ZNF431: variants seen among roughly 807,000 people sequenced by gnomAD.
ZNF431 encodes the protein zinc finger protein 431.
Under a neutral mutation model 57.0 loss-of-function variants are expected in ZNF431, and 34 were observed. That is an observed-to-expected ratio of 0.60 (90% CI 0.45 to 0.79). The LOEUF (loss-of-function observed/expected upper bound fraction) is 0.79, where lower values mean the gene tolerates loss of function less well. ZNF431 is among the 30% of genes least tolerant of loss of function. The pLI, the probability that ZNF431 is intolerant of heterozygous loss-of-function variation, is 0.00. For missense variants in ZNF431, 607 were observed against 667.1 expected (o/e 0.91, Z 0.99); for synonymous variants, 207 against 220.3 (o/e 0.94, Z 0.54).
intron 2 of ZNF431, among the ~76,000 whole-genome samples, chr19:21,159,997 T>C (rs1350612479): frequency 6.6e-6 from 1 of 151,766 alleles, no homozygotes; most frequent in Non-Finnish European, 1.5e-5. Context: ...TTTTTTTTTT[T>C]TTAGGTAGAC....
At chr19:21,162,237 G>A (rs183955900) in intron 2 of ZNF431, among the ~76,000 whole-genome samples, 2 of 151,770 alleles carry the variant, frequency 1.3e-5, no homozygotes, top group Non-Finnish European at 2.9e-5. Flanking sequence ...GCAGTGGCAT[G>A]ATCTTGGCAC....
In ZNF431 at chr19:21,195,747, C is replaced by T. The variant is rs1399239236; in HGVS notation, c.*11713C>T. The T allele has an allele frequency of 3.3e-5, 5 of 152,008 alleles. No individual in the cohort carries two copies. The highest frequency in any genetic ancestry group is 4.4e-5 in the Non-Finnish European group (3 of 68,014). The allele number at this position is 152,008 out of a possible 1,614,324, so 9.4% of individuals were successfully genotyped here. On this transcript the variant is annotated 3_prime_UTR_variant, in exon 5 of 5. Transcript: ENST00000311048. ...TGTGGCAGCTCATGGTATTATTGAC[C>T]ATATGTTCTAGTGTCTTCTTGCAGA...
Position 21,190,027 on chromosome 19 carries a change from G to A in ZNF431, c.*5993G>A. On this transcript the variant is annotated 3_prime_UTR_variant, in exon 5 of 5. Coordinates refer to ENST00000311048, the MANE Select transcript of ZNF431 (RefSeq NM_133473.4). Reference sequence around the variant, plus strand: ...ACAAAAACAAAAAACACCTCAGCTGGGTGTGGTGGTGCAGGCCTGTAATCT... The same window carrying A: ...ACAAAAACAAAAAACACCTCAGCTGAGTGTGGTGGTGCAGGCCTGTAATCT... 1 of 384,446 alleles carries A rather than the reference G, an allele frequency of 2.6e-6. No homozygotes were observed. The highest frequency in any genetic ancestry group is 4.6e-6 in the Non-Finnish European group (1 of 217,502). The allele number at this position is 384,446 out of a possible 1,614,324, so 23.8% of individuals were successfully genotyped here.
chr19:21,148,811 A>G (rs1970184148), intron 2 of ZNF431, among the ~76,000 whole-genome samples: 1 of 152,202 alleles, frequency 6.6e-6, no homozygotes, highest in Non-Finnish European at 1.5e-5. Flanking sequence ...TAGGACACAG[A>G]CACAAGTGTA....
rs1273658393 is a variant in ZNF431, at chr19:21,194,620, C to G, written c.*10586C>G. On this transcript the variant is annotated 3_prime_UTR_variant, in exon 5 of 5. Transcript: ENST00000311048. ...AGTAGCTGGGATTACAGGTGCCCAC[C>G]AGCACACCTGGCTAATTTTTATGTT... is the stretch of plus-strand genomic sequence containing the variant. 1 of 152,066 alleles carries G rather than the reference C, an allele frequency of 6.6e-6. No individual in the cohort carries two copies. Among genetic ancestry groups the G allele is most frequent in the East Asian group, 1.9e-4 (1 of 5,170 alleles). The allele number at this position is 152,066 out of a possible 1,614,324, so 9.4% of individuals were successfully genotyped here. A position where few individuals can be genotyped will look rare whatever the true frequency, so the allele number is the denominator to read the frequency against.
chr19:21,142,336 C>A (rs763326816), intron 1 of ZNF431, 150 bp downstream of exon 1: 76 of 1,097,254 alleles, frequency 6.9e-5, no homozygotes, highest in Non-Finnish European at 9.8e-5. Context: ...CAGTCCCCTC[C>A]AGCCATAAGA....
At chr19:21,179,824 T>C (rs1030561592) in intron 4 of ZNF431, among the ~76,000 whole-genome samples, 3 of 152,138 alleles carry the variant, frequency 2.0e-5, no homozygotes, top group African/African-American at 7.2e-5. Context: ...CCTCCCAAAG[T>C]GCTGGGATTA....
rs2145021376 is a variant in ZNF431, at chr19:21,174,160, T to C, written c.319+6494T>C. Among the ~76,000 whole-genome samples, 2 of 152,262 alleles carry C rather than the reference T, an allele frequency of 1.3e-5. 1 individual carries two copies. Among genetic ancestry groups the C allele is most frequent in the South Asian group, 4.1e-4 (2 of 4,830 alleles). ...AGACCCTCACCGGAAGCAGATGCTG[T>C]TACATCCTTCTTGTACAGTCTGCTG... On this transcript the variant is annotated intron_variant, in intron 4 of 4. Coordinates refer to ENST00000311048, the MANE Select transcript of ZNF431 (RefSeq NM_133473.4).
At chr19:21,150,294 T>C in intron 2 of ZNF431, 3 of 463,878 alleles carry the variant, frequency 6.5e-6, no homozygotes, top group East Asian at 5.1e-5. Context: ...GTGAGGTCCC[T>C]TTTGGGCTGG....
At position 21,183,922 on chromosome 19, in the gene ZNF431, A is replaced by C. The variant is rs368492406; in HGVS notation, c.1619A>C (p.Tyr540Ser). Reference sequence around the variant, plus strand: ...AAAATTCATACTAGACAGAAACCCTACAACTGTGAAGAATGTGACAATACA... The same window carrying C: ...AAAATTCATACTAGACAGAAACCCTCCAACTGTGAAGAATGTGACAATACA... ...HRKIHTRQKP[Y>S]NCEECDNTFN... is the part of the protein sequence containing the mutation. Residue 540 changes from tyrosine (Y) to serine (S), a missense_variant, in exon 5 of 5, where the codon TAC (tyrosine) becomes TCC (serine). Physicochemically the swap from Tyr to Ser is moderately radical, Grantham distance 144. Transcript: ENST00000311048. 1 of 1,613,630 alleles carries C rather than the reference A, an allele frequency of 6.2e-7. No homozygotes were observed. Among genetic ancestry groups the C allele is most frequent in the African/African-American group, 1.3e-5 (1 of 74,916 alleles).
At chr19:21,159,863 G>GAACAAAA in intron 2 of ZNF431, among the ~76,000 whole-genome samples, 1 of 152,144 alleles carries the variant, frequency 6.6e-6, no homozygotes, top group Admixed American at 6.5e-5. Flanking sequence ...GCCTATTCAG[G>GAACAAAA]GATTCTGTTT....
At position 21,143,625 on chromosome 19, in the gene ZNF431, T is replaced by G. The variant is rs764294848; in HGVS notation, c.78T>G (p.Val26=). 1.2e-6 allele frequency: 2 copies of G among 1,613,774 alleles called. No homozygotes were observed. Among genetic ancestry groups the G allele is most frequent in the East Asian group, 4.5e-5 (2 of 44,876 alleles). Residue 26 remains valine (V), a synonymous_variant, in exon 2 of 5, where the codon GTT becomes GTG. Transcript: ENST00000311048. ...GCPGAERNLL[V]YSYFEKETLT... ...CTGGGGCTGAGAGGAATCTTCTAGT[T>G]TACTCTTATTTTGAAAAGGTAACCT...
chr19:21,169,161 C>A (rs914523698), intron 4 of ZNF431, among the ~76,000 whole-genome samples: 1 of 152,044 alleles, frequency 6.6e-6, no homozygotes, highest in Non-Finnish European at 1.5e-5. Context: ...GATTTGCCCC[C>A]CTCAGCCTCC....
chr19:21,143,627 ACT>A lies in ZNF431; in HGVS notation c.83_84del (p.Ser28LeufsTer3), dbSNP rs780518226. Reference sequence around the variant, plus strand: ...GGGGCTGAGAGGAATCTTCTAGTTTACTCTTATTTTGAAAAGGTAACCTCTTG... The same window carrying A: ...GGGGCTGAGAGGAATCTTCTAGTTTACTTATTTTGAAAAGGTAACCTCTTG... On this transcript the variant is annotated frameshift_variant, in exon 2 of 5. Transcript: ENST00000311048. LOFTEE classifies it high-confidence loss of function. The A allele has an allele frequency of 6.2e-7, 1 of 1,613,186 alleles. No individual in the cohort carries two copies. The highest frequency in any genetic ancestry group is 1.1e-5 in the South Asian group (1 of 91,054).
intron 3 of ZNF431, among the ~76,000 whole-genome samples, chr19:21,167,119 A>G (rs1163484828): frequency 6.6e-6 from 1 of 151,646 alleles, no homozygotes; most frequent in African/African-American, 2.4e-5. Context: ...CACCCTTCCA[A>G]AGTGCTGGGA....
intron 2 of ZNF431, among the ~76,000 whole-genome samples, chr19:21,164,945 TA>T (rs1446689662): frequency 1.3e-5 from 2 of 151,770 alleles, no homozygotes; most frequent in African/African-American, 4.8e-5. Context: ...ACCCCGTCTC[TA>T]CTAAAAATAC....
intron 4 of ZNF431, among the ~76,000 whole-genome samples, chr19:21,168,034 G>A (rs1269748937): frequency 1.3e-5 from 2 of 152,010 alleles, no homozygotes; most frequent in African/African-American, 4.8e-5. Context: ...TTATTTTTTA[G>A]TTCTCTTTTT....
At position 21,162,197 on chromosome 19, in the gene ZNF431, G is replaced by A. The variant is rs114218032; in HGVS notation, c.97-4138G>A. Among the ~76,000 whole-genome samples the A allele has an allele frequency of 9.9e-4, 149 of 150,270 alleles. 1 individual carries two copies. The highest frequency in any genetic ancestry group is 3.5e-3 in the African/African-American group (141 of 40,768). ...GTGTGTGTGTGTGTTTTCTTGAAATGGAGTCTAGCTCTGTAGCTCAGGCTG... is the reference window on the plus strand; with the variant it reads ...GTGTGTGTGTGTGTTTTCTTGAAATAGAGTCTAGCTCTGTAGCTCAGGCTG... On this transcript the variant is annotated intron_variant, in intron 2 of 4. Transcript: ENST00000311048.
intron 4 of ZNF431, among the ~76,000 whole-genome samples, chr19:21,180,623 A>C (rs572598266): frequency 1.1e-3 from 169 of 152,300 alleles, no homozygotes; most frequent in Middle Eastern, 0.01. Context: ...AAAACCTCTA[A>C]AAGATACAAC....
Sources: gnomAD v4.1 joint callset for allele counts (sites outside exome capture counted in the v4.1 genomes callset) on GRCh38, gnomAD v4.1.1 for gene constraint, MANE v1.5 for transcripts, NCBI Gene and HGNC (gene_info 2026-07-23, HGNC 2026-07-21) for gene names.